The following ROR1 variants were observed in gnomAD, a reference collection of about 807,000 sequenced individuals.
The protein encoded by ROR1 is ROR family WNT receptor 1, also known as inactive tyrosine-protein kinase transmembrane receptor ROR1.
In ROR1, 19 loss-of-function variants were observed where a neutral mutation model predicts 78.8. The ratio of observed to expected loss-of-function variants is 0.24; its 90% CI spans 0.17 to 0.35. ROR1 has a LOEUF of 0.35. Ranked by LOEUF, ROR1 falls within the 10% of genes least tolerant of loss-of-function variation. ROR1 has a pLI of 1.00. For missense variants in ROR1, 917 were observed against 1,177.8 expected (o/e 0.78, Z 3.24); for synonymous variants, 386 against 433.6 (o/e 0.89, Z 1.36).
intron 1 of ROR1, among the ~76,000 whole-genome samples, chr1:63,780,133 A>T (rs1420185409): frequency 6.6e-6 from 1 of 152,050 alleles, no homozygotes; most frequent in Non-Finnish European, 1.5e-5. Flanking sequence ...TGGCCTCCTT[A>T]CATTTCCTTT....
At chr1:63,893,094 A>C (rs1051613641) in intron 1 of ROR1, among the ~76,000 whole-genome samples, 1 of 152,326 alleles carries the variant, frequency 6.6e-6, no homozygotes, top group African/African-American at 2.4e-5. Flanking sequence ...TGGTGGACAC[A>C]GTCTACCACT....
At chr1:64,141,866 G>A (rs3767263) in intron 6 of ROR1, among the ~76,000 whole-genome samples, 2 of 151,630 alleles carry the variant, frequency 1.3e-5, no homozygotes, top group Non-Finnish European at 1.5e-5. Flanking sequence ...CTCTGGCCAC[G>A]TGCGAGGTCT....
rs1396018227 is a variant in ROR1, at chr1:63,961,083, C to T, written c.92-48222C>T. Among the ~76,000 whole-genome samples, 6 of 152,184 alleles carry T rather than the reference C, an allele frequency of 3.9e-5. No homozygotes were observed. The South Asian group carries it at 6.2e-4, about 16-fold the overall frequency. On this transcript the variant is annotated intron_variant, in intron 1 of 8. Transcript: ENST00000371079. ...CTTTTTTCTTTCTCTTTTTCCCTTT[C>T]CTTCTTCCCTCCATTCATCCTTTCC...
chr1:64,168,346 C>A (rs1219353464), intron 8 of ROR1, among the ~76,000 whole-genome samples: 1 of 152,164 alleles, frequency 6.6e-6, no homozygotes, highest in Admixed American at 6.5e-5. Flanking sequence ...AAAGTACTTA[C>A]AGCCTAACAT....
intron 1 of ROR1, among the ~76,000 whole-genome samples, chr1:63,990,336 A>AG (rs1646285189): frequency 6.6e-6 from 1 of 152,176 alleles, no homozygotes; most frequent in Admixed American, 6.5e-5. Context: ...ATGAAAGTGT[A>AG]GGGAGGGCTT....
intron 1 of ROR1, among the ~76,000 whole-genome samples, chr1:64,008,139 T>G (rs910144028): frequency 2.0e-5 from 3 of 152,174 alleles, no homozygotes; most frequent in African/African-American, 7.2e-5. Context: ...CTCTATCCTT[T>G]TGTAATTCCA....
At chr1:63,935,023 ATTTT>A (rs11376470) in intron 1 of ROR1, among the ~76,000 whole-genome samples, 1 of 140,242 alleles carries the variant, frequency 7.1e-6, no homozygotes, top group Admixed American at 7.2e-5. Context: ...ATTTGGGAGA[ATTTT>A]TTTTTTTTTT....
intron 1 of ROR1, among the ~76,000 whole-genome samples, chr1:63,777,399 C>T (rs1344351793): frequency 6.6e-6 from 1 of 152,196 alleles, no homozygotes; most frequent in Non-Finnish European, 1.5e-5. Flanking sequence ...GTCCACTAGT[C>T]CCAACTTTAT....
In ROR1 at chr1:64,080,043, A is replaced by G. The variant is rs754188824; in HGVS notation, c.482+29327A>G. ...GAGAGGACCCTTAGCTGGGATGACT[A>G]AAGGAGGAGCCTCTGTTCTTACCTG... is the stretch of plus-strand genomic sequence containing the variant. On this transcript the variant is annotated intron_variant, in intron 4 of 8. Coordinates refer to ENST00000371079, the MANE Select transcript of ROR1 (RefSeq NM_005012.4). Among the ~76,000 whole-genome samples, 247 of 152,290 alleles carry G rather than the reference A, an allele frequency of 1.6e-3. 1 individual carries two copies. The highest frequency in any genetic ancestry group is 3.0e-3 in the Non-Finnish European group (201 of 68,022).
rs145268583 is a variant in ROR1, at chr1:63,824,428, T to A, written c.91+49920T>A. Among the ~76,000 whole-genome samples, 21 of 152,352 alleles carry A rather than the reference T, an allele frequency of 1.4e-4. No homozygotes were observed. The East Asian group carries it at 3.9e-3, about 28-fold the overall frequency. ...CACAAAATATTATTTGTCTTTTTTT[T>A]TCCCCCAGTCACTTAAAAATTTAAA... On this transcript the variant is annotated intron_variant, in intron 1 of 8. Transcript: ENST00000371079.
chr1:64,119,087 G>C (rs972161092), intron 4 of ROR1, among the ~76,000 whole-genome samples: 1 of 152,136 alleles, frequency 6.6e-6, no homozygotes, highest in Non-Finnish European at 1.5e-5. Context: ...TGTTTTTCTT[G>C]CTTCTTAAAG....
intron 4 of ROR1, among the ~76,000 whole-genome samples, chr1:64,059,708 T>TAAAAA: frequency 7.6e-6 from 1 of 130,846 alleles, no homozygotes; most frequent in Non-Finnish European, 1.6e-5. Flanking sequence ...GACTCCATCT[T>TAAAAA]AAAAAAAAAA....
chr1:64,100,780 A>T (rs1400297628), intron 4 of ROR1, among the ~76,000 whole-genome samples: 1 of 152,194 alleles, frequency 6.6e-6, no homozygotes, highest in Non-Finnish European at 1.5e-5. Context: ...ACAGGAAAAC[A>T]TCTAATTCTA....
chr1:63,959,384 AACTGTCTCTTGTGATTTG>A (rs1411327245), intron 1 of ROR1, among the ~76,000 whole-genome samples: 7 of 152,160 alleles, frequency 4.6e-5, no homozygotes, highest in Non-Finnish European at 8.8e-5. Context: ...AGCTAGCAGT[AACTGTCTCTTGTGATTTG>A]ATCCATGGTT....
intron 1 of ROR1, among the ~76,000 whole-genome samples, chr1:63,833,470 T>C (rs541874459): frequency 6.6e-6 from 1 of 152,292 alleles, no homozygotes; most frequent in Non-Finnish European, 1.5e-5. Context: ...GAAGAAGGAT[T>C]GCTTTGTTTT....
chr1:63,848,207 A>G lies in ROR1; in HGVS notation c.91+73699A>G, dbSNP rs546424250. Reference sequence around the variant, plus strand: ...TATTTAATGGCTAAAGCAGATGGTTATAATTTCTGACTTGGTGTGGCCACC... The same window carrying G: ...TATTTAATGGCTAAAGCAGATGGTTGTAATTTCTGACTTGGTGTGGCCACC... On this transcript the variant is annotated intron_variant, in intron 1 of 8. Coordinates refer to ENST00000371079, the MANE Select transcript of ROR1 (RefSeq NM_005012.4). Among the ~76,000 whole-genome samples, 22 of 152,348 alleles carry G rather than the reference A, an allele frequency of 1.4e-4. No homozygotes were observed. The South Asian group carries it at 4.3e-3, about 30-fold the overall frequency.
At chr1:63,881,140 T>A (rs955094670) in intron 1 of ROR1, among the ~76,000 whole-genome samples, 4 of 152,162 alleles carry the variant, frequency 2.6e-5, no homozygotes, top group African/African-American at 9.7e-5. Context: ...TATTTGACCT[T>A]TACATAAGCA....
intron 1 of ROR1, among the ~76,000 whole-genome samples, chr1:63,818,248 T>G (rs965331464): frequency 3.3e-5 from 5 of 152,218 alleles, no homozygotes; most frequent in African/African-American, 1.2e-4. Flanking sequence ...AAAATTTGCC[T>G]AACATGAATC....
chr1:63,966,771 A>G (rs931654924), intron 1 of ROR1, among the ~76,000 whole-genome samples: 3 of 152,128 alleles, frequency 2.0e-5, no homozygotes, highest in African/African-American at 7.2e-5. Flanking sequence ...TTTCCTTTCA[A>G]CTGAGGGAAC....
Sources: gnomAD v4.1 joint callset for allele counts (sites outside exome capture counted in the v4.1 genomes callset) on GRCh38, gnomAD v4.1.1 for gene constraint, MANE v1.5 for transcripts, NCBI Gene and HGNC (gene_info 2026-07-23, HGNC 2026-07-21) for gene names.